Variants in PPM1E observed in about 807,000 individuals in gnomAD.
PPM1E encodes protein phosphatase 1E.
Under a neutral mutation model 65.9 loss-of-function variants are expected in PPM1E, and 20 were observed. The ratio of observed to expected loss-of-function variants is 0.30; its 90% CI spans 0.21 to 0.44. The LOEUF is 0.44. Among genes scored for constraint, PPM1E ranks in the 20% least tolerant of loss-of-function variants. The pLI is 1.00. For missense variants in PPM1E, 713 were observed against 953.1 expected, an observed-to-expected ratio of 0.75 and a Z score of 3.32; for synonymous variants, 352 against 374.9, an observed-to-expected ratio of 0.94 and a Z score of 0.70.
At chr17:58,775,920 C>CAAAAAAAAAAA (rs1158158641) in intron 1 of PPM1E, among the ~76,000 whole-genome samples, 1 of 52,504 alleles carries the variant, frequency 1.9e-5, no homozygotes, top group Non-Finnish European at 2.9e-5. Context: ...GACTCCGTCT[C>CAAAAAAAAAAA]AAAAAAAAAA....
In PPM1E at chr17:58,981,235, T is replaced by C. The variant is rs2052805730; in HGVS notation, c.*204T>C. The C allele has an allele frequency of 1.9e-6, 1 of 526,750 alleles. No individual in the cohort carries two copies. The highest frequency in any genetic ancestry group is 3.3e-6 in the Non-Finnish European group (1 of 302,038). 32.6% of individuals were successfully genotyped at this position (526,750 alleles called of 1,614,324 possible). A position where few individuals can be genotyped will look rare whatever the true frequency, so the allele number is the denominator to read the frequency against. ...AGTATTGGCAGTTTCACTTGCAAAA[T>C]TACACAGCTGGTCCCTGTGATGTGT... On this transcript the variant is annotated 3_prime_UTR_variant, in exon 7 of 7. Transcript: ENST00000308249.
chr17:58,885,906 TAC>T (rs2051259932), intron 1 of PPM1E, among the ~76,000 whole-genome samples: 1 of 152,218 alleles, frequency 6.6e-6, no homozygotes, highest in African/African-American at 2.4e-5. Context: ...ACTGTTCACA[TAC>T]ACAGACTTTT....
chr17:58,922,741 G>A (rs1409064477), intron 1 of PPM1E, among the ~76,000 whole-genome samples: 5 of 148,000 alleles, frequency 3.4e-5, no homozygotes, highest in Admixed American at 6.8e-5. Context: ...CTGGAGTGCA[G>A]TGGTGCGATC....
chr17:58,846,308 T>A (rs1396717391), intron 1 of PPM1E, among the ~76,000 whole-genome samples: 1 of 152,160 alleles, frequency 6.6e-6, no homozygotes, highest in Non-Finnish European at 1.5e-5. Context: ...CTAGGGTACA[T>A]GTGCACAACA....
chr17:58,797,164 T>C (rs745829233), intron 1 of PPM1E, among the ~76,000 whole-genome samples: 1 of 152,178 alleles, frequency 6.6e-6, no homozygotes, highest in Non-Finnish European at 1.5e-5. Context: ...AATAATTTAC[T>C]GTAGCTCAAT....
At chr17:58,827,029 T>C (rs2050544007) in intron 1 of PPM1E, among the ~76,000 whole-genome samples, 1 of 152,146 alleles carries the variant, frequency 6.6e-6, no homozygotes, top group Non-Finnish European at 1.5e-5. Context: ...CTCGGTCTTC[T>C]TTGTAATAAG....
intron 1 of PPM1E, among the ~76,000 whole-genome samples, chr17:58,830,678 T>A (rs1029982228): frequency 7.9e-5 from 12 of 151,998 alleles, no homozygotes; most frequent in South Asian, 2.1e-4. Flanking sequence ...TACTTTATTT[T>A]TTTTTATTTT....
rs568687636 is a variant in PPM1E, at chr17:58,898,697, G to T, written c.465-56952G>T. On this transcript the variant is annotated intron_variant, in intron 1 of 6. Transcript: ENST00000308249. ...GGATTATAAATCATACTACTATAAA[G>T]ACACATGCACACATATGTTTATTGC... 9.9e-5 allele frequency among the ~76,000 whole-genome samples: 15 copies of T among 152,146 alleles called. 1 individual carries two copies. In the South Asian group the frequency reaches 3.1e-3, roughly 32 times the overall value.
intron 1 of PPM1E, among the ~76,000 whole-genome samples, chr17:58,808,534 C>G (rs2050336262): frequency 6.6e-6 from 1 of 151,338 alleles, no homozygotes; most frequent in South Asian, 2.1e-4. Context: ...GTACGTGTGT[C>G]TGTGTGTTTG....
intron 1 of PPM1E, among the ~76,000 whole-genome samples, chr17:58,782,409 T>C (rs1265504353): frequency 6.6e-6 from 1 of 151,408 alleles, no homozygotes; most frequent in Non-Finnish European, 1.5e-5. Flanking sequence ...GTTTTTGTTT[T>C]TTTTTTTTTT....
At chr17:58,869,917 A>G (rs1340597106) in intron 1 of PPM1E, among the ~76,000 whole-genome samples, 1 of 152,240 alleles carries the variant, frequency 6.6e-6, no homozygotes, top group Non-Finnish European at 1.5e-5. Flanking sequence ...ACGAATTGAT[A>G]TAAGTCAGAG....
chr17:58,887,162 C>CTTTTTTTT (rs71143300), intron 1 of PPM1E, among the ~76,000 whole-genome samples: 28 of 111,692 alleles, frequency 2.5e-4, no homozygotes, highest in African/African-American at 3.2e-4. Flanking sequence ...AGGCCTTCTT[C>CTTTTTTTT]TTTTTTTTTT....
intron 1 of PPM1E, among the ~76,000 whole-genome samples, chr17:58,872,082 G>A (rs1598621286): frequency 1.3e-5 from 2 of 152,194 alleles, no homozygotes; most frequent in Non-Finnish European, 2.9e-5. Flanking sequence ...CAGATCACCT[G>A]AGGTCAGGAG....
chr17:58,805,958 AAAC>A lies in PPM1E; in HGVS notation c.464+49500_464+49502del, dbSNP rs1446191351. On this transcript the variant is annotated intron_variant, in intron 1 of 6. Coordinates refer to ENST00000308249, the MANE Select transcript of PPM1E (RefSeq NM_014906.5). ...GTTCAGGCTGTTCTGCTAAAAAAAA[AAAC>A]AAAAAAAAAAAACAAAAAAAAAACA... 3.1e-3 allele frequency among the ~76,000 whole-genome samples: 307 copies of A among 100,042 alleles called. 4 individuals carry two copies. The highest frequency in any genetic ancestry group is 3.7e-3 in the Non-Finnish European group (182 of 49,724). 65.6% of individuals were successfully genotyped at this position (100,042 alleles called of 152,430 possible).
At chr17:58,814,564 G>C (rs1294377254) in intron 1 of PPM1E, among the ~76,000 whole-genome samples, 1 of 152,144 alleles carries the variant, frequency 6.6e-6, no homozygotes, top group Non-Finnish European at 1.5e-5. Context: ...TCATCTACCA[G>C]ATACAGATAA....
chr17:58,950,460 G>T (rs1377645411), intron 1 of PPM1E, among the ~76,000 whole-genome samples: 2 of 152,106 alleles, frequency 1.3e-5, no homozygotes, highest in Non-Finnish European at 2.9e-5. Context: ...CTGAATATCT[G>T]TGTCTCTCCC....
chr17:58,837,332 TACACAC>T (rs59797345), intron 1 of PPM1E, among the ~76,000 whole-genome samples: 30 of 131,364 alleles, frequency 2.3e-4, no homozygotes, highest in Admixed American at 7.9e-4. Context: ...CACACACACA[TACACAC>T]ACACACACAC....
chr17:58,833,740 A>G lies in PPM1E; in HGVS notation c.464+77279A>G, dbSNP rs534150445. On this transcript the variant is annotated intron_variant, in intron 1 of 6. Transcript: ENST00000308249. ...GAATTACTTGTTTTCTTTTGGGTAT[A>G]TACCCAGTATGGGTAATCGGATTCC... Among the ~76,000 whole-genome samples, 11 of 152,246 alleles carry G rather than the reference A, an allele frequency of 7.2e-5. No homozygotes were observed. The South Asian group carries it at 2.1e-3, about 29-fold the overall frequency.
intron 1 of PPM1E, among the ~76,000 whole-genome samples, chr17:58,891,088 A>C (rs1338399120): frequency 6.6e-6 from 1 of 151,952 alleles, no homozygotes; most frequent in African/African-American, 2.4e-5. Flanking sequence ...CTCCTGCATC[A>C]GCCTCCCAAG....
Sources: gnomAD v4.1 joint callset for allele counts (sites outside exome capture counted in the v4.1 genomes callset) on GRCh38, gnomAD v4.1.1 for gene constraint, MANE v1.5 for transcripts, NCBI Gene and HGNC (gene_info 2026-07-23, HGNC 2026-07-21) for gene names.